Variants in CCDC171 observed in about 807,000 individuals in gnomAD.
CCDC171 encodes coiled-coil domain-containing protein 171.
In CCDC171, 177 loss-of-function variants were observed where a neutral mutation model predicts 168.2. The ratio of observed to expected loss-of-function variants is 1.05; its 90% CI spans 0.93 to 1.19. The LOEUF (loss-of-function observed/expected upper bound fraction) is 1.19, where lower values mean the gene tolerates loss of function less well. CCDC171 is among the 50% of genes most tolerant of loss of function. CCDC171 has a pLI of 0.00. For missense variants in CCDC171, 1,991 were observed against 1,539.0 expected, an observed-to-expected ratio of 1.29 and a Z score of -4.91; for synonymous variants, 687 against 540.8, an observed-to-expected ratio of 1.27 and a Z score of -3.75.
At chr9:15,909,145 TG>T in intron 24 of CCDC171, among the ~76,000 whole-genome samples, 1 of 152,310 alleles carries the variant, frequency 6.6e-6, no homozygotes, top group South Asian at 2.1e-4. Flanking sequence ...AACAACTTTT[TG>T]TTGAGAGTAA....
At chr9:15,683,768 A>T (rs951130265) in intron 10 of CCDC171, among the ~76,000 whole-genome samples, 2 of 152,104 alleles carry the variant, frequency 1.3e-5, no homozygotes, top group Non-Finnish European at 2.9e-5. Context: ...GGGAAAAATA[A>T]AATGGTATTG....
intron 4 of CCDC171, among the ~76,000 whole-genome samples, chr9:15,581,533 C>G (rs997405714): frequency 6.6e-6 from 1 of 152,156 alleles, no homozygotes; most frequent in African/African-American, 2.4e-5. Context: ...TCAAACTATA[C>G]TACAAGAATA....
chr9:16,033,672 G>A (rs1410561861), intron 6 of CCDC171, among the ~76,000 whole-genome samples: 4 of 151,928 alleles, frequency 2.6e-5, no homozygotes, highest in African/African-American at 4.8e-5. Flanking sequence ...GAACCATCCC[G>A]AAACCATCCC....
rs1317139071 is a variant in CCDC171, at chr9:15,998,914, A to G, written n.369-21675A>G. 3.2e-4 allele frequency among the ~76,000 whole-genome samples: 49 copies of G among 152,196 alleles called. 1 individual carries two copies. The highest frequency in any genetic ancestry group is 2.4e-5 in the African/African-American group (1 of 41,464). On this transcript the variant is annotated intron_variant and non_coding_transcript_variant, in intron 3 of 9. Transcript: ENST00000486641. ...ATGGGTCTGTACTGTAGCAACTTGA[A>G]TTTCTCATTCCCCAAAGCTACATGT...
the CCDC171 span, among the ~76,000 whole-genome samples, chr9:16,097,474 CATTTT>C: frequency 3.3e-5 from 5 of 152,168 alleles, no homozygotes; most frequent in Non-Finnish European, 5.9e-5. Flanking sequence ...GCATTATTCT[CATTTT>C]ATTAGGTGAG....
chr9:16,079,330 A>G, the CCDC171 span, among the ~76,000 whole-genome samples: 1 of 152,328 alleles, frequency 6.6e-6, no homozygotes. Context: ...ATGTGACCTT[A>G]TTTGGAGCTA....
At chr9:15,561,912 A>G (rs2039332778) in intron 1 of CCDC171, among the ~76,000 whole-genome samples, 2 of 151,988 alleles carry the variant, frequency 1.3e-5, no homozygotes, top group Admixed American at 1.3e-4. Flanking sequence ...CTGTTACTCA[A>G]GATTTTTTCA....
chr9:15,688,085 C>T lies in CCDC171; in HGVS notation c.1216-7150C>T, dbSNP rs563769149. On this transcript the variant is annotated intron_variant, in intron 10 of 25. Transcript: ENST00000380701. Reference sequence around the variant, plus strand: ...GGTGAGCTGAGATGGCGCCATTGCACTCCAGCCTGGGCAACAGAGCAAGAC... The same window carrying T: ...GGTGAGCTGAGATGGCGCCATTGCATTCCAGCCTGGGCAACAGAGCAAGAC... Among the ~76,000 whole-genome samples, 514 of 138,894 alleles carry T rather than the reference C, an allele frequency of 3.7e-3. 2 individuals are homozygous for T. The highest frequency in any genetic ancestry group is 5.5e-3 in the Admixed American group (70 of 12,820). The allele number at this position is 138,894 out of a possible 152,430, so 91.1% of individuals were successfully genotyped here. A position where few individuals can be genotyped will look rare whatever the true frequency, so the allele number is the denominator to read the frequency against.
At chr9:15,727,794 A>G in intron 14 of CCDC171, 75 bp from the exon 15 acceptor site, 1 of 1,094,958 alleles carries the variant, frequency 9.1e-7, no homozygotes, top group Admixed American at 2.7e-5. Context: ...TTAACTCTTC[A>G]CCATTAGTAT....
chr9:15,940,554 C>A (rs1001316451), intron 25 of CCDC171, among the ~76,000 whole-genome samples: 4 of 152,008 alleles, frequency 2.6e-5, no homozygotes, highest in African/African-American at 9.7e-5. Context: ...TACTATCTAT[C>A]ATCAAACATC....
intron 23 of CCDC171, among the ~76,000 whole-genome samples, chr9:15,873,898 T>C (rs1415538931): frequency 1.3e-5 from 2 of 152,140 alleles, no homozygotes; most frequent in African/African-American, 4.8e-5. Context: ...TGATTTTATC[T>C]GTTGTATTGT....
At chr9:16,089,963 CTG>C in the CCDC171 span, among the ~76,000 whole-genome samples, 1 of 152,168 alleles carries the variant, frequency 6.6e-6, no homozygotes, top group African/African-American at 2.4e-5. Flanking sequence ...AGCTTTGACA[CTG>C]TTGATGGGTG....
intron 11 of CCDC171, among the ~76,000 whole-genome samples, chr9:15,711,537 A>C (rs2052663595): frequency 1.3e-5 from 2 of 152,224 alleles, no homozygotes; most frequent in Admixed American, 1.3e-4. Flanking sequence ...ATTAAGAATT[A>C]TAAATATAAG....
chr9:15,919,472 A>G (rs904779238), intron 24 of CCDC171, among the ~76,000 whole-genome samples: 1 of 151,676 alleles, frequency 6.6e-6, no homozygotes, highest in Admixed American at 6.6e-5. Context: ...TGTAAACAAT[A>G]TAGTATTATT....
In CCDC171 at chr9:15,623,223, A is replaced by T. The variant is rs184996816; in HGVS notation, c.676-44A>T. On this transcript the variant is annotated intron_variant, in intron 6 of 25. Transcript: ENST00000380701. ...CTATTGGAGTGACTCTTAGTCATTG[A>T]TGGCTTATAAACTTTATTGATGCAA... The T allele has an allele frequency of 2.1e-6, 3 of 1,463,372 alleles. No individual in the cohort carries two copies. The Admixed American group carries it at 6.2e-5, about 30-fold the overall frequency. The allele number at this position is 1,463,372 out of a possible 1,614,324, so 90.6% of individuals were successfully genotyped here.
At chr9:15,723,277 A>C (rs1473251128) in intron 12 of CCDC171, among the ~76,000 whole-genome samples, 1 of 152,188 alleles carries the variant, frequency 6.6e-6, no homozygotes, top group African/African-American at 2.4e-5. Flanking sequence ...CTCATGATGT[A>C]TAGAAAGAAC....
chr9:15,699,676 A>G (rs968799565), intron 11 of CCDC171, among the ~76,000 whole-genome samples: 2 of 152,066 alleles, frequency 1.3e-5, no homozygotes, highest in African/African-American at 4.8e-5. Flanking sequence ...GAATTCACAA[A>G]CACTGAGCTA....
At chr9:15,678,099 T>C (rs1027144270) in intron 9 of CCDC171, among the ~76,000 whole-genome samples, 11 of 150,048 alleles carry the variant, frequency 7.3e-5, no homozygotes, top group Non-Finnish European at 1.2e-4. Context: ...TTTGTAGAGA[T>C]CGAGTCTTGT....
chr9:15,595,993 T>A (rs2042319381), intron 6 of CCDC171, among the ~76,000 whole-genome samples: 2 of 152,106 alleles, frequency 1.3e-5, no homozygotes, highest in African/African-American at 4.8e-5. Flanking sequence ...GTTGATGGGG[T>A]TGTTTTTTTC....
Sources: gnomAD v4.1 joint callset for allele counts (sites outside exome capture counted in the v4.1 genomes callset) on GRCh38, gnomAD v4.1.1 for gene constraint, MANE v1.5 for transcripts, NCBI Gene and HGNC (gene_info 2026-07-23, HGNC 2026-07-21) for gene names.